Variants in EXTL3 observed in about 807,000 individuals in gnomAD.
EXTL3 encodes the protein exostosin like glycosyltransferase 3.
Under a neutral mutation model 69.3 loss-of-function variants are expected in EXTL3, and 27 were observed. The observed-to-expected ratio is 0.39, with a 90% CI of 0.29 to 0.54. EXTL3 has a LOEUF of 0.54. Ranked by LOEUF, EXTL3 falls within the 20% of genes least tolerant of loss-of-function variation. The probability of loss-of-function intolerance (pLI) is 0.69; values close to 1 mark genes in which losing one functional copy is unlikely to be tolerated. For synonymous variants in EXTL3, 511 were observed against 499.4 expected (o/e 1.02, Z -0.31); for missense variants, 1,003 against 1,231.8 (o/e 0.81, Z 2.78).
At chr8:28,621,440 C>T (rs1321334071), upstream of EXTL3, among the ~76,000 whole-genome samples, 1 of 152,170 alleles carries the variant, frequency 6.6e-6, no homozygotes, top group Non-Finnish European at 1.5e-5. Context: ...ACACAGGCTT[C>T]CAGCGTCCAG....
At chr8:28,671,866 A>G (rs1271231522) in intron 1 of EXTL3, among the ~76,000 whole-genome samples, 2 of 152,166 alleles carry the variant, frequency 1.3e-5, no homozygotes, top group African/African-American at 2.4e-5. Flanking sequence ...TTTTTCAGAG[A>G]TGAACAGAAT....
chr8:28,717,479 G>T lies in EXTL3; in HGVS notation c.1420G>T (p.Asp474Tyr). 2 of 1,614,230 alleles carry T rather than the reference G, an allele frequency of 1.2e-6. No homozygotes were observed. Among genetic ancestry groups the T allele is most frequent in the Non-Finnish European group, 1.7e-6 (2 of 1,180,038 alleles). ...GGAGCAGGTCCAGCTTCCCTACCAGGACATGCTGCAGTGGAACGAGGCGGC... is the reference window on the plus strand; with the variant it reads ...GGAGCAGGTCCAGCTTCCCTACCAGTACATGCTGCAGTGGAACGAGGCGGC... The part of the protein sequence containing the change: ...LGEQVQLPYQ[D>Y]MLQWNEAALV... The change falls in exon 3 of 7, where the codon GAC becomes TAC. Residue 474 changes from aspartate (D) to tyrosine (Y), a missense_variant. Transcript: ENST00000220562. This position sits in a 1 kb window ranked among gnomAD's most constrained non-coding sequence, Gnocchi z 8.3.
At chr8:28,676,982 C>T (rs1807394905) in intron 1 of EXTL3, among the ~76,000 whole-genome samples, 1 of 152,078 alleles carries the variant, frequency 6.6e-6, no homozygotes, top group Non-Finnish European at 1.5e-5. Context: ...CTGGAATAGG[C>T]TCGTCTCTTG....
At chr8:28,690,928 G>A (rs940330726) in intron 1 of EXTL3, among the ~76,000 whole-genome samples, 4 of 152,034 alleles carry the variant, frequency 2.6e-5, no homozygotes, top group African/African-American at 9.7e-5. Flanking sequence ...GATCATTGGG[G>A]GCCCTTTCAG....
chr8:28,613,479 G>A (rs539857531), intron 2 of EXTL3, among the ~76,000 whole-genome samples: 1 of 152,268 alleles, frequency 6.6e-6, no homozygotes, highest in South Asian at 2.1e-4. Flanking sequence ...ACTGCGCCTG[G>A]CCCTATGCTA....
chr8:28,731,836 A>G (rs1401637975), intron 4 of EXTL3, among the ~76,000 whole-genome samples: 2 of 152,122 alleles, frequency 1.3e-5, no homozygotes, highest in Non-Finnish European at 2.9e-5. Flanking sequence ...GTCAGAAGCA[A>G]TGATTTAAAA....
intron 3 of EXTL3, among the ~76,000 whole-genome samples, chr8:28,728,418 G>A (rs1801459397): frequency 6.6e-6 from 1 of 152,150 alleles, no homozygotes; most frequent in African/African-American, 2.4e-5. Context: ...AGGATACCCT[G>A]GGCTGTACAC....
chr8:28,726,079 C>T (rs1291266178), intron 3 of EXTL3, among the ~76,000 whole-genome samples: 1 of 152,006 alleles, frequency 6.6e-6, no homozygotes, highest in East Asian at 1.9e-4. Context: ...CCTCAGCCTC[C>T]TGAGTAGCTG....
intron 1 of EXTL3, among the ~76,000 whole-genome samples, chr8:28,668,259 CAAAA>C (rs71549685): frequency 1.6e-5 from 1 of 64,266 alleles, no homozygotes. Flanking sequence ...GGTCCTGTCT[CAAAA>C]AAAAAAAAAA....
chr8:28,746,833 G>A (rs935376796), intron 6 of EXTL3, among the ~76,000 whole-genome samples: 19 of 152,014 alleles, frequency 1.2e-4, no homozygotes, highest in African/African-American at 3.6e-4. Flanking sequence ...GTGCCACCAC[G>A]CCCCGCTAAT....
chr8:28,676,896 C>T (rs769145498), intron 1 of EXTL3, among the ~76,000 whole-genome samples: 2 of 152,084 alleles, frequency 1.3e-5, no homozygotes, highest in Non-Finnish European at 2.9e-5. Context: ...TCTGGGTGAG[C>T]GTGAGAACTG....
chr8:28,718,257 T>G, intron 3 of EXTL3, 50 bp downstream of exon 3: 1 of 1,551,058 alleles, frequency 6.4e-7, no homozygotes, highest in Non-Finnish European at 8.9e-7. Context: ...AGTATTTCAC[T>G]CTTAATCCCT....
chr8:28,689,470 CAG>C (rs1800578124), intron 1 of EXTL3, among the ~76,000 whole-genome samples: 1 of 152,168 alleles, frequency 6.6e-6, no homozygotes, highest in Non-Finnish European at 1.5e-5. Flanking sequence ...CTCTTTGCTT[CAG>C]AGTTTTATTC....
intron 3 of EXTL3, among the ~76,000 whole-genome samples, chr8:28,726,989 C>T (rs1462656518): frequency 6.7e-6 from 1 of 150,278 alleles, no homozygotes; most frequent in African/African-American, 2.5e-5. Flanking sequence ...AGCGATTCTC[C>T]TGCCTCAGCC....
intron 1 of EXTL3, among the ~76,000 whole-genome samples, chr8:28,657,914 C>T (rs990022406): frequency 2.6e-5 from 4 of 152,208 alleles, no homozygotes; most frequent in Non-Finnish European, 5.9e-5. Context: ...CTTAATCGAC[C>T]TTCCCTTCCT....
upstream of EXTL3, among the ~76,000 whole-genome samples, chr8:28,619,311 A>AAAAAAAC (rs1478312916): frequency 1.6e-5 from 2 of 121,472 alleles, no homozygotes; most frequent in African/African-American, 3.4e-5. Context: ...AAAAAAAAAA[A>AAAAAAAC]AAAACCCTGT....
At chr8:28,628,419 C>T (rs899272546) in intron 1 of EXTL3, among the ~76,000 whole-genome samples, 2 of 152,104 alleles carry the variant, frequency 1.3e-5, no homozygotes, top group African/African-American at 4.8e-5. Context: ...CCTGTAATCC[C>T]AGTGACTCAG....
Position 28,750,520 on chromosome 8 carries a change from C to G in EXTL3, c.2551-137C>G. ...GCCTGGGGCCGGGCTCTGGTTCCTG[C>G]CATGCTCTGCAGGGATGTTGCCCCT... On this transcript the variant is annotated intron_variant, in intron 6 of 6. Coordinates refer to ENST00000220562, the MANE Select transcript of EXTL3 (RefSeq NM_001440.4). This position sits in a 1 kb window ranked among gnomAD's most constrained non-coding sequence, Gnocchi z 5.2. 1 of 749,710 alleles carries G rather than the reference C, an allele frequency of 1.3e-6. No individual in the cohort carries two copies. Among genetic ancestry groups the G allele is most frequent in the Non-Finnish European group, 2.3e-6 (1 of 427,488 alleles). 46.4% of individuals were successfully genotyped at this position (749,710 alleles called of 1,614,324 possible).
chr8:28,663,901 C>T (rs780319401), intron 1 of EXTL3, among the ~76,000 whole-genome samples: 10 of 152,186 alleles, frequency 6.6e-5, no homozygotes, highest in South Asian at 2.1e-4. Flanking sequence ...CCATTGCTGG[C>T]GGCAGGCTAA....
Sources: gnomAD v4.1 joint callset for allele counts (sites outside exome capture counted in the v4.1 genomes callset) on GRCh38, gnomAD v4.1.1 for gene constraint, Gnocchi (gnomAD v3.1) non-coding constraint, MANE v1.5 for transcripts, NCBI Gene and HGNC (gene_info 2026-07-23, HGNC 2026-07-21) for gene names.